TBC1D1: variants seen among roughly 807,000 people sequenced by gnomAD.
The protein encoded by TBC1D1 is TBC1 domain family member 1, also known as TBC1 (tre-2/USP6, BUB2, cdc16) domain family, member 1.
TBC1D1 carries 89 observed loss-of-function variants against 125.6 expected under a neutral mutation model. The ratio of observed to expected loss-of-function variants is 0.71; its 90% confidence interval spans 0.60 to 0.85. TBC1D1 has a LOEUF of 0.85. Among genes scored for constraint, TBC1D1 ranks in the 40% least tolerant of loss-of-function variants. The probability of loss-of-function intolerance (pLI) is 0.00; values close to 1 mark genes in which losing one functional copy is unlikely to be tolerated. For missense variants in TBC1D1, 1,377 were observed against 1,469.2 expected, an observed-to-expected ratio of 0.94 and a Z score of 1.03; for synonymous variants, 565 against 564.1, an observed-to-expected ratio of 1.00 and a Z score of -0.02.
chr4:37,928,839 A>G (rs552893904), intron 2 of TBC1D1, among the ~76,000 whole-genome samples: 2 of 152,254 alleles, frequency 1.3e-5, no homozygotes, highest in Admixed American at 6.5e-5. Flanking sequence ...CATCATGGCC[A>G]CTTAATTTCC....
At chr4:38,038,415 A>G (rs1019259406) in intron 8 of TBC1D1, among the ~76,000 whole-genome samples, 4 of 152,172 alleles carry the variant, frequency 2.6e-5, no homozygotes, top group African/African-American at 9.7e-5. Context: ...TTGCTTTATC[A>G]TATATTTATC....
chr4:38,096,037 G>A lies in TBC1D1; in HGVS notation c.2345G>A (p.Gly782Glu). The stretch of plus-strand genomic sequence containing the variant: ...TGGGAAAAGATGCTTAGCACTCCAG[G>A]AAGATCAAAAATTAAGTTTGACATG... Residue 782 changes from glycine to glutamate, a missense_variant, in exon 14 of 20, where the codon GGA becomes GAA. Gly to Glu is a moderately conservative substitution (Grantham distance 98, BLOSUM62 -2). Transcript: ENST00000261439. The A allele has an allele frequency of 1.2e-6, 2 of 1,613,950 alleles. No individual in the cohort carries two copies. Among genetic ancestry groups the A allele is most frequent in the African/African-American group, 2.7e-5 (2 of 75,020 alleles).
At chr4:38,028,523 G>C (rs1048801184) in intron 7 of TBC1D1, among the ~76,000 whole-genome samples, 1 of 152,048 alleles carries the variant, frequency 6.6e-6, no homozygotes, top group Non-Finnish European at 1.5e-5. Context: ...ATTCAGAGCC[G>C]CCCTGGGCCA....
intron 17 of TBC1D1, chr4:38,118,516 A>C (rs1179160943): frequency 4.2e-6 from 1 of 235,932 alleles, no homozygotes; most frequent in Non-Finnish European, 8.2e-6. Context: ...TATGTTTCTC[A>C]TGAATTGCCT....
At chr4:37,989,930 C>A (rs1367487783) in intron 2 of TBC1D1, among the ~76,000 whole-genome samples, 5 of 152,200 alleles carry the variant, frequency 3.3e-5, no homozygotes, top group Non-Finnish European at 7.3e-5. Flanking sequence ...GTTTGCCAAC[C>A]AAAGACACAG....
intron 2 of TBC1D1, among the ~76,000 whole-genome samples, chr4:38,000,631 C>T (rs189436524): frequency 1.3e-5 from 2 of 152,316 alleles, no homozygotes; most frequent in South Asian, 2.1e-4. Context: ...TCTGTTTCTA[C>T]ACTGAACACT....
chr4:37,947,999 C>T (rs977244990), intron 2 of TBC1D1, among the ~76,000 whole-genome samples: 2 of 152,042 alleles, frequency 1.3e-5, no homozygotes, highest in Non-Finnish European at 2.9e-5. Context: ...GTAGGTACTA[C>T]GATTATTCCT....
At chr4:37,920,218 T>TA (rs1720653976) in intron 2 of TBC1D1, among the ~76,000 whole-genome samples, 1 of 152,168 alleles carries the variant, frequency 6.6e-6, no homozygotes, top group Admixed American at 6.5e-5. Context: ...TTGAAGCACT[T>TA]AGAGTCCGGT....
chr4:38,052,728 G>GCGCGCGCACACA (rs1491148206), intron 11 of TBC1D1, among the ~76,000 whole-genome samples: 1 of 118,274 alleles, frequency 8.5e-6, no homozygotes, highest in African/African-American at 3.5e-5. Context: ...GCGCGCGCGC[G>GCGCGCGCACACA]CACACACACA....
At chr4:38,064,499 A>G (rs1753333530) in intron 12 of TBC1D1, among the ~76,000 whole-genome samples, 3 of 152,132 alleles carry the variant, frequency 2.0e-5, no homozygotes, top group Admixed American at 2.0e-4. Context: ...GGTTTCTGGC[A>G]CTGCCCTCAT....
chr4:37,909,008 C>A (rs931027512), intron 2 of TBC1D1, among the ~76,000 whole-genome samples: 2 of 152,222 alleles, frequency 1.3e-5, no homozygotes, highest in Non-Finnish European at 1.5e-5. Context: ...TGACACATAT[C>A]TGAGACTGAA....
chr4:38,124,574 T>C (rs904961072), intron 17 of TBC1D1, among the ~76,000 whole-genome samples: 1 of 152,252 alleles, frequency 6.6e-6, no homozygotes, highest in Admixed American at 6.5e-5. Flanking sequence ...CTTTTTCACT[T>C]ACTCTATCTT....
intron 2 of TBC1D1, chr4:37,960,598 CCT>C (rs759449617): frequency 1.1e-4 from 172 of 1,614,054 alleles, no homozygotes; most frequent in Non-Finnish European, 1.3e-4. Context: ...GCTCCATCAG[CCT>C]TACCTAAAGC....
intron 4 of TBC1D1, among the ~76,000 whole-genome samples, chr4:38,020,320 A>C (rs1743733654): frequency 6.6e-6 from 1 of 152,108 alleles, no homozygotes; most frequent in South Asian, 2.1e-4. Flanking sequence ...TCTACTAAAA[A>C]TACAAAAATT....
At chr4:38,020,372 G>A (rs1306786988) in intron 4 of TBC1D1, among the ~76,000 whole-genome samples, 1 of 152,190 alleles carries the variant, frequency 6.6e-6, no homozygotes, top group African/African-American at 2.4e-5. Context: ...CAGCTACTCA[G>A]GAGGCTGAGG....
At chr4:38,041,846 A>C (rs1748441989) in intron 8 of TBC1D1, among the ~76,000 whole-genome samples, 1 of 152,196 alleles carries the variant, frequency 6.6e-6, no homozygotes, top group African/African-American at 2.4e-5. Flanking sequence ...AGTGGTGATT[A>C]AGCTTCAAAG....
chr4:37,971,397 C>G (rs969282338), intron 2 of TBC1D1, among the ~76,000 whole-genome samples: 1 of 152,116 alleles, frequency 6.6e-6, no homozygotes, highest in Non-Finnish European at 1.5e-5. Flanking sequence ...TCTTACACGG[C>G]AACAGACAGG....
intron 2 of TBC1D1, among the ~76,000 whole-genome samples, chr4:37,964,011 C>A (rs1463816108): frequency 6.6e-6 from 1 of 152,178 alleles, no homozygotes; most frequent in Admixed American, 6.5e-5. Flanking sequence ...CATTTATCAC[C>A]CAGTTGTGCC....
At chr4:37,901,002 G>A (rs1044804501) in intron 1 of TBC1D1, among the ~76,000 whole-genome samples, 3 of 151,646 alleles carry the variant, frequency 2.0e-5, no homozygotes, top group Non-Finnish European at 2.9e-5. Context: ...AACCCAGGGG[G>A]TGGAGGTTGC....
Sources: gnomAD v4.1 joint callset for allele counts (sites outside exome capture counted in the v4.1 genomes callset) on GRCh38, gnomAD v4.1.1 for gene constraint, MANE v1.5 for transcripts, NCBI Gene and HGNC (gene_info 2026-07-23, HGNC 2026-07-21) for gene names.